The following PGCKA1 variants were observed in gnomAD, a reference collection of about 807,000 sequenced individuals.
PGCKA1 encodes the protein PDCD10 and GCKIII kinases associated 1.
At chr4:37,462,337 C>T in the PGCKA1 span, among the ~76,000 whole-genome samples, 1 of 152,196 alleles carries the variant, frequency 6.6e-6, no homozygotes, top group African/African-American at 2.4e-5. Context: ...AACTTGAACC[C>T]AGGCCTGCTG....
At chr4:37,574,531 G>T in the PGCKA1 span, among the ~76,000 whole-genome samples, 1 of 152,034 alleles carries the variant, frequency 6.6e-6, no homozygotes, top group Non-Finnish European at 1.5e-5. Flanking sequence ...ATACAGGCTT[G>T]CAATGCATAA....
At chr4:37,465,607 A>G in the PGCKA1 span, among the ~76,000 whole-genome samples, 5 of 152,130 alleles carry the variant, frequency 3.3e-5, no homozygotes, top group African/African-American at 1.2e-4. Flanking sequence ...TGCAGACCAC[A>G]TGCTAAAAAC....
At chr4:37,533,246 T>C in the PGCKA1 span, among the ~76,000 whole-genome samples, 1 of 152,250 alleles carries the variant, frequency 6.6e-6, no homozygotes, top group Non-Finnish European at 1.5e-5. Flanking sequence ...TACATGTTAA[T>C]ATTTCCAGCT....
At chr4:37,565,779 T>C in the PGCKA1 span, among the ~76,000 whole-genome samples, 1 of 152,138 alleles carries the variant, frequency 6.6e-6, no homozygotes, top group East Asian at 1.9e-4. Context: ...GGATGCAAAG[T>C]GTTGGTCCTG....
chr4:37,588,793 C>A, the PGCKA1 span: 1 of 1,296,898 alleles, frequency 7.7e-7, no homozygotes, highest in Non-Finnish European at 1.1e-6. Flanking sequence ...AAACTTAATT[C>A]CTACTAATAT....
chr4:37,592,161 A>T, the PGCKA1 span, among the ~76,000 whole-genome samples: 1 of 149,000 alleles, frequency 6.7e-6, no homozygotes, highest in African/African-American at 2.5e-5. Context: ...GTGAGCTGAG[A>T]TCGTGCCACT....
the PGCKA1 span, among the ~76,000 whole-genome samples, chr4:37,473,015 T>C: frequency 6.6e-6 from 1 of 152,212 alleles, no homozygotes; most frequent in Non-Finnish European, 1.5e-5. Flanking sequence ...GAGAATTAGA[T>C]AACAAGTAAT....
the PGCKA1 span, among the ~76,000 whole-genome samples, chr4:37,579,747 A>G: frequency 3.6e-4 from 55 of 152,106 alleles, no homozygotes; most frequent in African/African-American, 1.2e-3. Context: ...AATTGCCTTG[A>G]GGTAGTCTTC....
chr4:37,512,922 C>T, the PGCKA1 span, among the ~76,000 whole-genome samples: 2 of 151,972 alleles, frequency 1.3e-5, no homozygotes, highest in Non-Finnish European at 2.9e-5. Context: ...AACCCCATCT[C>T]TGCTAAAAAT....
the PGCKA1 span, among the ~76,000 whole-genome samples, chr4:37,552,186 G>C: frequency 6.6e-6 from 1 of 152,212 alleles, no homozygotes; most frequent in African/African-American, 2.4e-5. Flanking sequence ...ATAGATTTCA[G>C]GCATTGTATG....
chr4:37,477,410 A>G, the PGCKA1 span, among the ~76,000 whole-genome samples: 1 of 152,182 alleles, frequency 6.6e-6, no homozygotes, highest in Admixed American at 6.6e-5. Context: ...ATTGGGCAAG[A>G]TGGCTAAAGT....
At chr4:37,536,591 C>T in the PGCKA1 span, among the ~76,000 whole-genome samples, 2 of 152,274 alleles carry the variant, frequency 1.3e-5, no homozygotes, top group South Asian at 2.1e-4. Context: ...TGACTGCTAG[C>T]ATGCCTAGGT....
chr4:37,518,300 C>A, the PGCKA1 span, among the ~76,000 whole-genome samples: 3 of 152,174 alleles, frequency 2.0e-5, no homozygotes, highest in Non-Finnish European at 4.4e-5. Context: ...AGTGGGATTG[C>A]TAGATCGTAT....
chr4:37,458,924 A>G, the PGCKA1 span, among the ~76,000 whole-genome samples: 2 of 152,230 alleles, frequency 1.3e-5, no homozygotes, highest in Admixed American at 6.5e-5. Context: ...ACTGAAGGTT[A>G]AGGCAAAATT....
At chr4:37,463,627 T>C in the PGCKA1 span, among the ~76,000 whole-genome samples, 1 of 152,146 alleles carries the variant, frequency 6.6e-6, no homozygotes, top group Non-Finnish European at 1.5e-5. Context: ...AAGTATTTCC[T>C]GGTGCTGCAG....
the PGCKA1 span, among the ~76,000 whole-genome samples, chr4:37,581,944 G>A: frequency 6.6e-6 from 1 of 152,186 alleles, no homozygotes; most frequent in African/African-American, 2.4e-5. This position sits in a 1 kb window ranked among gnomAD's most constrained non-coding sequence, Gnocchi z 4.4. Context: ...ATTTCCCTCT[G>A]GCTAGATCTG....
chr4:37,477,653 A>G, the PGCKA1 span, among the ~76,000 whole-genome samples: 9 of 152,188 alleles, frequency 5.9e-5, no homozygotes, highest in African/African-American at 1.9e-4. Flanking sequence ...CAAGAGATCA[A>G]TAGACATCTG....
At chr4:37,521,493 T>G in the PGCKA1 span, among the ~76,000 whole-genome samples, 197 of 152,358 alleles carry the variant, frequency 1.3e-3, no homozygotes, top group Non-Finnish European at 2.4e-3. Flanking sequence ...CTGTATAGTT[T>G]CCAAAATTGC....
chr4:37,576,509 G>C, the PGCKA1 span, among the ~76,000 whole-genome samples: 1 of 151,950 alleles, frequency 6.6e-6, no homozygotes, highest in African/African-American at 2.4e-5. Context: ...CAAATATAAG[G>C]TTGTCTCATC....
Sources: allele counts gnomAD v4.1 joint callset (sites outside exome capture counted in the v4.1 genomes callset), GRCh38; gene constraint gnomAD v4.1.1; non-coding constraint Gnocchi (gnomAD v3.1); transcripts MANE v1.5; gene names NCBI Gene and HGNC (gene_info 2026-07-23, HGNC 2026-07-21).